Variants in CACNA1C observed in about 807,000 individuals in gnomAD.
The protein encoded by CACNA1C is calcium voltage-gated channel subunit alpha1 C, also known as voltage-dependent L-type calcium channel subunit alpha-1C.
Under a neutral mutation model 229.0 loss-of-function variants are expected in CACNA1C, and 30 were observed. The observed-to-expected ratio is 0.13, with a 90% CI of 0.10 to 0.18. The LOEUF is 0.18. Among genes scored for constraint, CACNA1C ranks in the 10% least tolerant of loss-of-function variants. The pLI is 1.00. For synonymous variants in CACNA1C, 1,114 were observed against 1,132.5 expected, an observed-to-expected ratio of 0.98 and a Z score of 0.33; for missense variants, 1,658 against 2,845.0, an observed-to-expected ratio of 0.58 and a Z score of 9.49.
At chr12:2,393,613 G>A (rs1305963362) in intron 3 of CACNA1C, among the ~76,000 whole-genome samples, 1 of 152,214 alleles carries the variant, frequency 6.6e-6, no homozygotes, top group Non-Finnish European at 1.5e-5. Context: ...AATACTTACT[G>A]TGCAGGTTGT....
chr12:2,406,622 AT>A (rs1350733585), intron 3 of CACNA1C, among the ~76,000 whole-genome samples: 5 of 151,770 alleles, frequency 3.3e-5, no homozygotes, highest in Non-Finnish European at 5.9e-5. Context: ...TATGTCTTCC[AT>A]TTTTTTACTG....
At chr12:2,684,580 G>T (rs1158936679) in intron 43 of CACNA1C, among the ~76,000 whole-genome samples, 3 of 152,116 alleles carry the variant, frequency 2.0e-5, no homozygotes, top group Admixed American at 2.0e-4. Context: ...CACAAACTAG[G>T]AAACTAAGAG....
chr12:2,221,978 C>A (rs3922316), intron 3 of CACNA1C, among the ~76,000 whole-genome samples: 55,084 of 152,070 alleles, frequency 0.36, 10,515 homozygotes, highest in African/African-American at 0.46. Flanking sequence ...AGATATATAA[C>A]CTCTATTTAC....
At chr12:2,627,360 G>T (rs781395717) in intron 29 of CACNA1C, among the ~76,000 whole-genome samples, 4 of 152,010 alleles carry the variant, frequency 2.6e-5, no homozygotes, top group Non-Finnish European at 5.9e-5. Context: ...CTTGGTGTCG[G>T]TTACCATTGT....
At chr12:2,218,060 A>T (rs1207303857) in intron 3 of CACNA1C, 3 of 152,116 alleles carry the variant, frequency 2.0e-5, no homozygotes, top group Admixed American at 6.5e-5. Flanking sequence ...GGGCTGCCAC[A>T]TGGTGCTGTG....
chr12:2,298,957 G>A (rs2094334255), intron 3 of CACNA1C, among the ~76,000 whole-genome samples: 1 of 152,232 alleles, frequency 6.6e-6, no homozygotes, highest in Admixed American at 6.5e-5. Context: ...GTTTGAGTAT[G>A]TGTGTGGGAA....
chr12:1,977,383 C>T (rs1419572210), intron 1 of CACNA1C, among the ~76,000 whole-genome samples: 1 of 152,150 alleles, frequency 6.6e-6, no homozygotes, highest in African/African-American at 2.4e-5. Flanking sequence ...TTGGAAAGCT[C>T]GACAACTTTG....
intron 13 of CACNA1C, among the ~76,000 whole-genome samples, chr12:2,576,410 T>C (rs575965028): frequency 6.6e-6 from 1 of 152,268 alleles, no homozygotes; most frequent in Non-Finnish European, 1.5e-5. Flanking sequence ...ACTGCTCTGA[T>C]GAGAGAGTGC....
rs778272412 is a variant in CACNA1C at position 2,646,244 on chromosome 12, T to C, written c.3913-2231T>C. On this transcript the variant is annotated intron_variant, in intron 30 of 46. Coordinates refer to ENST00000399655, the MANE Select transcript of CACNA1C (RefSeq NM_000719.7). This position sits in a 1 kb window ranked among gnomAD's most constrained non-coding sequence, Gnocchi z 4.6. ...TCCCAAATGAAGGATTCTGAATGTT[T>C]AAGAAGTAAAACAGGTTTTTTTTGG... is the stretch of plus-strand genomic sequence containing the variant. 6.6e-6 allele frequency: 1 copy of C among 152,206 alleles called. No homozygotes were observed. Among genetic ancestry groups the C allele is most frequent in the Admixed American group, 6.5e-5 (1 of 15,290 alleles). 9.4% of individuals were successfully genotyped at this position (152,206 alleles called of 1,614,324 possible).
chr12:2,623,697 G>A (rs571221824), intron 29 of CACNA1C, among the ~76,000 whole-genome samples: 6 of 152,270 alleles, frequency 3.9e-5, no homozygotes, highest in Middle Eastern at 3.4e-3. Flanking sequence ...CAGGAATGCC[G>A]TGTGCCTGTC....
intron 3 of CACNA1C, among the ~76,000 whole-genome samples, chr12:2,245,525 T>G (rs188848513): frequency 7.9e-5 from 12 of 152,342 alleles, no homozygotes; most frequent in Admixed American, 2.6e-4. Context: ...GTGCCCATGC[T>G]TGGGCTCCTT....
chr12:2,685,806 T>C lies in CACNA1C; in HGVS notation c.5644T>C (p.Ser1882Pro), dbSNP rs369438564. Reference protein sequence around the residue: ...PEEDKRDIRQSPKRGFLRSAS... With the variant: ...PEEDKRDIRQPPKRGFLRSAS... ...GGAGGACAAGAGGGACATCCGGCAA[T>C]CTCCGAAGAGGGGTTTCCTCCGCTC... Residue 1882 changes from serine to proline, a missense_variant, in exon 44 of 47, where the codon TCT (serine) becomes CCT (proline). Around this residue, in one of 20 missense-constraint regions of CACNA1C, gnomAD observed 590 missense variants for 700.8 expected, o/e 0.84. Transcript: ENST00000399655. The C allele has an allele frequency of 1.7e-4, 270 of 1,613,636 alleles. 1 individual carries two copies. The highest frequency in any genetic ancestry group is 2.7e-4 in the Admixed American group (16 of 60,010).
chr12:2,263,934 G>A (rs543751701), intron 3 of CACNA1C, among the ~76,000 whole-genome samples: 8 of 152,166 alleles, frequency 5.3e-5, no homozygotes, highest in Non-Finnish European at 1.2e-4. Flanking sequence ...GGAAACAGCA[G>A]CAGTAGCACT....
chr12:2,344,569 A>G (rs529359556), intron 3 of CACNA1C, among the ~76,000 whole-genome samples: 21 of 152,274 alleles, frequency 1.4e-4, no homozygotes, highest in African/African-American at 5.1e-4. Flanking sequence ...GTGAAGATAC[A>G]TGGCCCAAAA....
chr12:2,380,044 A>AAAAAAAAAAAAAAAAAAAAAT (rs1328861436), intron 3 of CACNA1C, among the ~76,000 whole-genome samples: 1 of 148,036 alleles, frequency 6.8e-6, no homozygotes, highest in Non-Finnish European at 1.5e-5. Flanking sequence ...AAAAAAAAAA[A>AAAAAAAAAAAAAAAAAAAAAT]GACATAATAT....
intron 8 of CACNA1C, among the ~76,000 whole-genome samples, chr12:2,507,507 T>C (rs1200796830): frequency 1.3e-5 from 2 of 152,226 alleles, no homozygotes; most frequent in African/African-American, 4.8e-5. Flanking sequence ...GGTGCAGATG[T>C]AGTTGACCAT....
chr12:2,287,312 C>T lies in CACNA1C; in HGVS notation c.478-161664C>T, dbSNP rs1355573861. On this transcript the variant is annotated intron_variant, in intron 3 of 46. Coordinates refer to ENST00000399655, the MANE Select transcript of CACNA1C (RefSeq NM_000719.7). The surrounding 1 kb of genome is among the most constrained non-coding windows in gnomAD (Gnocchi z 4.6). ...GCTCGTCTGGATTGTGATTGCGACC[C>T]GTGCCTCATGGAGTGTCGCTGGATA... Among the ~76,000 whole-genome samples, 1 of 152,158 alleles carries T rather than the reference C, an allele frequency of 6.6e-6. No individual in the cohort carries two copies. Among genetic ancestry groups the T allele is most frequent in the South Asian group, 2.1e-4 (1 of 4,834 alleles).
chr12:2,099,764 C>A (rs1595817610), intron 1 of CACNA1C, among the ~76,000 whole-genome samples: 3 of 152,198 alleles, frequency 2.0e-5, no homozygotes, highest in Admixed American at 2.0e-4. Flanking sequence ...TGGAAGGGGG[C>A]AGACACGCTG....
chr12:2,013,408 A>G (rs1353260712), intron 1 of CACNA1C, among the ~76,000 whole-genome samples: 1 of 152,232 alleles, frequency 6.6e-6, no homozygotes, highest in Non-Finnish European at 1.5e-5. Context: ...TTAGTACTTT[A>G]TCATTTATAA....
Sources: gnomAD v4.1 joint callset for allele counts (sites outside exome capture counted in the v4.1 genomes callset) on GRCh38, gnomAD v4.1.1 for gene constraint, gnomAD v4.1.1 regional missense constraint, Gnocchi (gnomAD v3.1) non-coding constraint, MANE v1.5 for transcripts, NCBI Gene and HGNC (gene_info 2026-07-23, HGNC 2026-07-21) for gene names.